CREB5: variants seen among roughly 807,000 people sequenced by gnomAD.
The protein encoded by CREB5 is cyclic AMP-responsive element-binding protein 5.
In CREB5, 19 loss-of-function variants were observed where a neutral mutation model predicts 57.1. That is an observed-to-expected ratio of 0.33 (90% CI 0.23 to 0.49). CREB5 has a LOEUF of 0.49. CREB5 is among the 20% of genes least tolerant of loss of function. The probability of loss-of-function intolerance (pLI) is 0.99; values close to 1 mark genes in which losing one functional copy is unlikely to be tolerated. For synonymous variants in CREB5, 238 were observed against 238.3 expected (o/e 1.00, Z 0.01); for missense variants, 579 against 671.6 (o/e 0.86, Z 1.52).
chr7:28,569,055 C>A (rs781248289), intron 4 of CREB5, among the ~76,000 whole-genome samples: 7 of 152,190 alleles, frequency 4.6e-5, no homozygotes, highest in African/African-American at 1.7e-4. Flanking sequence ...ATTTCCCCAC[C>A]CTTCTAGGCT....
intron 5 of CREB5, among the ~76,000 whole-genome samples, chr7:28,656,763 G>A (rs966800136): frequency 6.6e-6 from 1 of 152,172 alleles, no homozygotes; most frequent in Non-Finnish European, 1.5e-5. Flanking sequence ...TGAGAGAGAT[G>A]TTTAGTCCAG....
chr7:28,531,944 G>A (rs972628795), intron 4 of CREB5, among the ~76,000 whole-genome samples: 19 of 152,168 alleles, frequency 1.2e-4, no homozygotes, highest in African/African-American at 2.2e-4. Flanking sequence ...TAGGAGAATC[G>A]TTTGAACCCA....
At chr7:28,337,529 TTTG>T (rs1785848881) in intron 1 of CREB5, among the ~76,000 whole-genome samples, 1 of 152,082 alleles carries the variant, frequency 6.6e-6, no homozygotes, top group African/African-American at 2.4e-5. Flanking sequence ...GCTCTTTTTT[TTTG>T]TTATTTATTG....
intron 5 of CREB5, among the ~76,000 whole-genome samples, chr7:28,577,463 G>A (rs1382335858): frequency 6.6e-6 from 1 of 152,204 alleles, no homozygotes; most frequent in Non-Finnish European, 1.5e-5. Context: ...GTGAATAACA[G>A]CAACCTCTTC....
intron 1 of CREB5, among the ~76,000 whole-genome samples, chr7:28,420,807 C>CAAAAAAAAA (rs10540496): frequency 2.2e-5 from 2 of 92,938 alleles, no homozygotes; most frequent in Admixed American, 1.2e-4. Context: ...GACTCCATCT[C>CAAAAAAAAA]AAAAAAAAAA....
Position 28,495,831 on chromosome 7 carries a change from C to A in CREB5, c.169+832C>A, listed in dbSNP as rs532652523. On this transcript the variant is annotated intron_variant, in intron 3 of 10. Coordinates refer to ENST00000357727, the MANE Select transcript of CREB5 (RefSeq NM_182898.4). ...TGAAGGTGTCCTTAGGAAACAATAT[C>A]TGCCTCATATGTGGGAGATTAAATG... 1.4e-3 allele frequency among the ~76,000 whole-genome samples: 216 copies of A among 152,310 alleles called. 1 individual carries two copies. The highest frequency in any genetic ancestry group is 6.8e-3 in the Middle Eastern group (2 of 294).
intron 1 of CREB5, among the ~76,000 whole-genome samples, chr7:28,323,304 C>T (rs1431050804): frequency 6.6e-6 from 1 of 152,194 alleles, no homozygotes; most frequent in African/African-American, 2.4e-5. Flanking sequence ...GGACATTCAA[C>T]GTAGCAGCAA....
chr7:28,516,168 C>T (rs941653488), intron 4 of CREB5, among the ~76,000 whole-genome samples: 3 of 151,840 alleles, frequency 2.0e-5, no homozygotes, highest in Admixed American at 6.6e-5. Flanking sequence ...GAACTGTGAT[C>T]GCACCACTGT....
At chr7:28,332,929 A>G (rs1208511723) in intron 1 of CREB5, among the ~76,000 whole-genome samples, 5 of 152,236 alleles carry the variant, frequency 3.3e-5, no homozygotes, top group African/African-American at 9.6e-5. Context: ...GATACTGTAT[A>G]TATCACCAAT....
intron 1 of CREB5, among the ~76,000 whole-genome samples, chr7:28,475,250 CTTTTTTTTTTTTTTTTTTTTTTTT>C (rs530903709): frequency 3.4e-5 from 2 of 59,586 alleles, no homozygotes; most frequent in African/African-American, 7.4e-5. Context: ...TCAGAAGTTT[CTTTTTTTTTTTTTTTTTTTTTTTT>C]TTTTTTTTTT....
intron 1 of CREB5, among the ~76,000 whole-genome samples, chr7:28,376,035 GC>G (rs1055341651): frequency 6.6e-6 from 1 of 152,160 alleles, no homozygotes; most frequent in Non-Finnish European, 1.5e-5. Context: ...CTCCCACCAT[GC>G]CCCTTCCAGC....
intron 5 of CREB5, among the ~76,000 whole-genome samples, chr7:28,618,537 C>T (rs968496491): frequency 1.2e-4 from 19 of 152,224 alleles, no homozygotes; most frequent in African/African-American, 4.3e-4. Flanking sequence ...AGTTGTCCCA[C>T]TTTTCAGGGC....
chr7:28,687,448 T>C (rs553129421), intron 5 of CREB5, among the ~76,000 whole-genome samples: 1 of 151,442 alleles, frequency 6.6e-6, no homozygotes, highest in East Asian at 2.0e-4. Context: ...GAGACTTTGA[T>C]GTTTTGAAAA....
intron 4 of CREB5, among the ~76,000 whole-genome samples, chr7:28,559,882 C>T (rs1275037018): frequency 2.0e-5 from 3 of 152,176 alleles, no homozygotes; most frequent in Admixed American, 1.3e-4. Context: ...TAATAACAAT[C>T]GCACATTGTG....
intron 1 of CREB5, among the ~76,000 whole-genome samples, chr7:28,377,949 A>AG (rs1453026353): frequency 8.0e-5 from 12 of 150,506 alleles, no homozygotes; most frequent in African/African-American, 1.2e-4. Context: ...AAAAAAACAA[A>AG]AAAGAAAAAG....
rs115614660 is a variant in CREB5, at chr7:28,760,972, T to C, written c.702+36640T>C. 2.7e-3 allele frequency among the ~76,000 whole-genome samples: 417 copies of C among 152,326 alleles called. 2 individuals carry two copies. The highest frequency in any genetic ancestry group is 9.4e-3 in the African/African-American group (390 of 41,578). On this transcript the variant is annotated intron_variant, in intron 7 of 10. Transcript: ENST00000357727. ...GTAGTAGGAGCATATATTCTTCTACTTGCACAAAGCGTAGCACATATAGGA... is the reference window on the plus strand; with the variant it reads ...GTAGTAGGAGCATATATTCTTCTACCTGCACAAAGCGTAGCACATATAGGA...
At chr7:28,330,916 G>C (rs1486182693) in intron 1 of CREB5, among the ~76,000 whole-genome samples, 3 of 152,104 alleles carry the variant, frequency 2.0e-5, no homozygotes, top group Admixed American at 2.0e-4. Context: ...TGCTAATCCT[G>C]ACACTTATCT....
At chr7:28,319,601 T>G (rs1785453477) in intron 1 of CREB5, among the ~76,000 whole-genome samples, 1 of 152,160 alleles carries the variant, frequency 6.6e-6, no homozygotes, top group South Asian at 2.1e-4. Flanking sequence ...TGAAGGTGGA[T>G]GCAGGTGACT....
intron 1 of CREB5, among the ~76,000 whole-genome samples, chr7:28,319,806 T>C (rs953665935): frequency 6.6e-6 from 1 of 152,182 alleles, no homozygotes; most frequent in Non-Finnish European, 1.5e-5. Flanking sequence ...TGATGAAAAC[T>C]CTAGGTGGCA....
Sources: allele counts gnomAD v4.1 joint callset (sites outside exome capture counted in the v4.1 genomes callset), GRCh38; gene constraint gnomAD v4.1.1; transcripts MANE v1.5; gene names NCBI Gene and HGNC (gene_info 2026-07-23, HGNC 2026-07-21).